The following PIGN variants were observed in gnomAD, a reference collection of about 807,000 sequenced individuals.
PIGN encodes the protein GPI ethanolamine phosphate transferase 1.
PIGN carries 117 observed loss-of-function variants against 125.4 expected under a neutral mutation model. The observed-to-expected ratio is 0.93, with a 90% CI of 0.80 to 1.09. The LOEUF is 1.09. PIGN is among the 50% of genes least tolerant of loss of function. PIGN has a pLI of 0.00. For missense variants in PIGN, 1,075 were observed against 1,094.9 expected (o/e 0.98, Z 0.26); for synonymous variants, 392 against 377.8 (o/e 1.04, Z -0.44).
chr18:62,167,234 CTA>C (rs1200408438), intron 1 of PIGN, among the ~76,000 whole-genome samples: 1 of 135,794 alleles, frequency 7.4e-6, no homozygotes. Context: ...AAATCTCTCT[CTA>C]TATATATATA....
intron 23 of PIGN, among the ~76,000 whole-genome samples, chr18:62,095,070 T>G (rs1159267348): frequency 2.6e-5 from 4 of 152,218 alleles, no homozygotes; most frequent in Non-Finnish European, 5.9e-5. Flanking sequence ...TCTCATAGCA[T>G]AATGGTGAAT....
In PIGN at chr18:62,138,298, C is replaced by A. The variant is rs753687210; in HGVS notation, c.1117G>T (p.Val373Leu). The A allele has an allele frequency of 3.1e-5, 48 of 1,538,988 alleles. No individual in the cohort carries two copies. The highest frequency in any genetic ancestry group is 4.0e-5 in the Non-Finnish European group (46 of 1,140,796). ...NAVQILEQFK[V>L]KMTQKKEVTL... ...ACTTCTTTCTTCTGAGTCATTTTCACCTGGGAACCAAGTATGAAAATATTA... is the reference window on the plus strand; with the variant it reads ...ACTTCTTTCTTCTGAGTCATTTTCAACTGGGAACCAAGTATGAAAATATTA... The change falls in exon 14 of 31, where the codon GTG becomes TTG. Residue 373 changes from valine to leucine, a missense_variant and splice_region_variant. Transcript: ENST00000640252.
At chr18:62,148,169 T>C (rs764075320) in intron 8 of PIGN, 45 bp downstream of exon 8, 2 of 1,443,158 alleles carry the variant, frequency 1.4e-6, no homozygotes, top group East Asian at 2.6e-5. Context: ...TTCAATAGAA[T>C]AGCTGTTGCC....
intron 11 of PIGN, 56 bp downstream of exon 11, chr18:62,143,250 A>C: frequency 1.1e-6 from 1 of 886,858 alleles, no homozygotes; most frequent in Non-Finnish European, 1.8e-6. Context: ...GTTTTTGTCT[A>C]ACCTTCTTAT....
intron 30 of PIGN, among the ~76,000 whole-genome samples, chr18:62,063,805 A>G (rs977987327): frequency 6.6e-6 from 1 of 151,042 alleles, no homozygotes; most frequent in Non-Finnish European, 1.5e-5. Flanking sequence ...GGAAACCATC[A>G]TTCTGAGCAA....
At position 62,027,815 on chromosome 18, in the gene PIGN, G is replaced by A. The variant is rs2030142912; in HGVS notation, c.2143-10074C>T. The stretch of plus-strand genomic sequence containing the variant: ...CCAGCTACTAGGAAGGCTGAGGTGG[G>A]AGGATTGCTTGAGCCTGGGAGGTCA... On this transcript the variant is annotated intron_variant, in intron 23 of 24. Transcript: ENST00000639600. Among the ~76,000 whole-genome samples, 3 of 152,128 alleles carry A rather than the reference G, an allele frequency of 2.0e-5. 1 individual carries two copies. In the South Asian group the frequency reaches 6.2e-4, roughly 32 times the overall value.
chr18:62,169,133 G>C (rs1438931839), intron 1 of PIGN, among the ~76,000 whole-genome samples: 1 of 152,128 alleles, frequency 6.6e-6, no homozygotes, highest in Non-Finnish European at 1.5e-5. Flanking sequence ...GGAATTATAG[G>C]TGTACCATGC....
intron 15 of PIGN, 80 bp downstream of exon 15, chr18:62,114,481 G>T (rs1214186950): frequency 4.8e-6 from 4 of 831,980 alleles, no homozygotes; most frequent in South Asian, 1.5e-5. Context: ...TCCCTGGCCT[G>T]CCTACTTTGC....
At chr18:62,050,422 T>A (rs890150991) in intron 30 of PIGN, among the ~76,000 whole-genome samples, 6 of 152,234 alleles carry the variant, frequency 3.9e-5, no homozygotes, top group African/African-American at 1.4e-4. Context: ...TCATGTCCCA[T>A]GTAAGTTGGA....
chr18:62,118,257 AT>A (rs1362717633), intron 14 of PIGN, among the ~76,000 whole-genome samples: 3 of 152,172 alleles, frequency 2.0e-5, no homozygotes, highest in Admixed American at 6.5e-5. Flanking sequence ...TATTGTGTGC[AT>A]GCATTACTTG....
intron 6 of PIGN, among the ~76,000 whole-genome samples, chr18:62,155,042 A>G (rs1235655775): frequency 1.3e-5 from 2 of 152,198 alleles, no homozygotes; most frequent in Admixed American, 1.3e-4. Flanking sequence ...TCTAAAATAG[A>G]TGATGTGTGT....
At chr18:62,164,142 C>T (rs1486135381) in intron 1 of PIGN, among the ~76,000 whole-genome samples, 1 of 152,136 alleles carries the variant, frequency 6.6e-6, no homozygotes, top group South Asian at 2.1e-4. Context: ...AACATGGGTA[C>T]ACAATCAGTT....
intron 28 of PIGN, 121 bp from the exon 29 acceptor site, chr18:62,074,942 T>C (rs562382546): frequency 1.0e-4 from 65 of 649,134 alleles, no homozygotes; most frequent in Non-Finnish European, 1.5e-4. Flanking sequence ...CTTCTGAAAA[T>C]ACAACTTTCA....
At position 62,113,148 on chromosome 18, in the gene PIGN, T is replaced by C; in HGVS notation, c.1420A>G (p.Ser474Gly). 7 of 1,608,316 alleles carry C rather than the reference T, an allele frequency of 4.4e-6. No individual in the cohort carries two copies. Among genetic ancestry groups the C allele is most frequent in the Non-Finnish European group, 5.9e-6 (7 of 1,176,724 alleles). The change falls in exon 16 of 31, where the codon AGT becomes GGT. Residue 474 changes from serine (S) to glycine (G), a missense_variant. By Grantham distance (56) the Ser-to-Gly change is moderately conservative (BLOSUM62 0). Coordinates refer to ENST00000640252, the MANE Select transcript of PIGN (RefSeq NM_176787.5). ...KSHSNLIKGV[S>G]KEVKKPSHLL... is the part of the protein sequence containing the mutation. ...TCTAAACGTACCTTCACTTCTTTAC[T>C]AACACCTTTTATAAGGTTGGAATGA...
intron 23 of PIGN, among the ~76,000 whole-genome samples, chr18:62,033,539 C>T (rs927931605): frequency 1.3e-5 from 2 of 152,226 alleles, no homozygotes; most frequent in African/African-American, 4.8e-5. Context: ...CGAATGCCTA[C>T]AAACATGTGA....
chr18:62,069,320 C>T (rs2032706125), intron 30 of PIGN: 1 of 152,230 alleles, frequency 6.6e-6, no homozygotes, highest in East Asian at 1.9e-4. Context: ...ACTGCATCTT[C>T]TTCATTCCTT....
chr18:62,142,557 G>A (rs980254459), intron 11 of PIGN, among the ~76,000 whole-genome samples: 3 of 152,160 alleles, frequency 2.0e-5, no homozygotes, highest in Admixed American at 2.0e-4. Flanking sequence ...TTGCTGGGAA[G>A]AAACAAGTTT....
chr18:62,154,523 T>C (rs1393093405), intron 7 of PIGN, 22 bp downstream of exon 7: 1 of 1,099,504 alleles, frequency 9.1e-7, no homozygotes, highest in East Asian at 2.4e-5. Context: ...TTTTTGTATA[T>C]TAACCACTCA....
intron 11 of PIGN, among the ~76,000 whole-genome samples, chr18:62,141,319 T>G (rs1448317212): frequency 3.3e-5 from 5 of 152,354 alleles, no homozygotes; most frequent in East Asian, 3.9e-4. Context: ...GAGATAAAAC[T>G]TATAAAGTAC....
Sources: allele counts gnomAD v4.1 joint callset (sites outside exome capture counted in the v4.1 genomes callset), GRCh38; gene constraint gnomAD v4.1.1; transcripts MANE v1.5; gene names NCBI Gene and HGNC (gene_info 2026-07-23, HGNC 2026-07-21).